CRYBG1: variants seen among roughly 807,000 people sequenced by gnomAD.
CRYBG1 encodes crystallin beta-gamma domain containing 1.
In CRYBG1, 139 loss-of-function variants were observed where a neutral mutation model predicts 189.2. That is an observed-to-expected ratio of 0.73 (90% confidence interval 0.64 to 0.85). The LOEUF is 0.85. Among genes scored for constraint, CRYBG1 ranks in the 40% least tolerant of loss-of-function variants. CRYBG1 has a pLI of 0.00. For synonymous variants in CRYBG1, 1,023 were observed against 1,017.1 expected (o/e 1.01, Z -0.11); for missense variants, 2,611 against 2,675.8 (o/e 0.98, Z 0.53).
rs370753096 is a variant in CRYBG1 at position 106,398,284 on chromosome 6, G to A, written c.173+37203G>A. Among the ~76,000 whole-genome samples, 13 of 152,156 alleles carry A rather than the reference G, an allele frequency of 8.5e-5. No homozygotes were observed. In the South Asian group the frequency reaches 2.7e-3, roughly 32 times the overall value. On this transcript the variant is annotated intron_variant, in intron 1 of 21. Transcript: ENST00000633556. ...AATCCCAGCACATTAGGAGTCCAAGGTGGGAGGATGGCTTGAGCTCATGAG... is the reference window on the plus strand; with the variant it reads ...AATCCCAGCACATTAGGAGTCCAAGATGGGAGGATGGCTTGAGCTCATGAG...
rs1338118061 is a variant in CRYBG1 at position 106,539,594 on chromosome 6, G to A, written c.4845+65G>A. On this transcript the variant is annotated intron_variant, in intron 9 of 21. Coordinates refer to ENST00000633556, the MANE Select transcript of CRYBG1 (RefSeq NM_001371242.2). ...TCAGCTTGACGTGGTAATTCACAGG[G>A]TGTGACTTTGAAGCAATAAAGCTGA... The A allele has an allele frequency of 2.6e-6, 4 of 1,541,572 alleles. No individual in the cohort carries two copies. In the African/African-American group the frequency reaches 4.2e-5, roughly 16 times the overall value.
At chr6:106,448,615 C>T (rs946227185) in intron 1 of CRYBG1, among the ~76,000 whole-genome samples, 1 of 152,318 alleles carries the variant, frequency 6.6e-6, no homozygotes, top group Non-Finnish European at 1.5e-5. Context: ...AGCTCAAATT[C>T]CATCTTAAAT....
At chr6:106,388,398 C>A (rs1770433100) in intron 1 of CRYBG1, among the ~76,000 whole-genome samples, 1 of 152,098 alleles carries the variant, frequency 6.6e-6, no homozygotes, top group Non-Finnish European at 1.5e-5. Flanking sequence ...TTTCCACCTG[C>A]CCCTCCCTCT....
chr6:106,508,970 C>T (rs904748919), intron 2 of CRYBG1, among the ~76,000 whole-genome samples: 1 of 74,186 alleles, frequency 1.3e-5, no homozygotes, highest in Non-Finnish European at 2.8e-5. Context: ...ATAGAGAGGA[C>T]TGCTTGCTGA....
At chr6:106,437,376 A>G (rs1355409160) in intron 1 of CRYBG1, among the ~76,000 whole-genome samples, 1 of 152,072 alleles carries the variant, frequency 6.6e-6, no homozygotes, top group Non-Finnish European at 1.5e-5. Context: ...TTTTTAATGT[A>G]TGGAAATTTT....
chr6:106,404,957 G>A (rs1770794238), intron 1 of CRYBG1, among the ~76,000 whole-genome samples: 1 of 151,900 alleles, frequency 6.6e-6, no homozygotes, highest in Non-Finnish European at 1.5e-5. Flanking sequence ...CTGGGCAGCT[G>A]TTTGGGCAGA....
At chr6:106,430,744 G>C (rs1382791105) in intron 1 of CRYBG1, among the ~76,000 whole-genome samples, 3 of 152,008 alleles carry the variant, frequency 2.0e-5, no homozygotes, top group African/African-American at 7.2e-5. Flanking sequence ...CTCTCCATGG[G>C]GCGTCTGTAG....
intron 1 of CRYBG1, among the ~76,000 whole-genome samples, chr6:106,377,231 G>A (rs1333002425): frequency 1.3e-5 from 2 of 152,122 alleles, no homozygotes; most frequent in Non-Finnish European, 2.9e-5. Flanking sequence ...CACTTGGATA[G>A]TCCTTCTTCA....
intron 1 of CRYBG1, among the ~76,000 whole-genome samples, chr6:106,404,151 A>G (rs1007318169): frequency 2.0e-5 from 3 of 152,202 alleles, no homozygotes; most frequent in South Asian, 4.1e-4. Flanking sequence ...TGGTGGTGTT[A>G]TGACCATCTT....
At chr6:106,566,657 C>T (rs1774898342) in intron 21 of CRYBG1, among the ~76,000 whole-genome samples, 1 of 151,658 alleles carries the variant, frequency 6.6e-6, no homozygotes, top group Non-Finnish European at 1.5e-5. Context: ...GTTTTAATTC[C>T]TTGTTAAACT....
intron 13 of CRYBG1, among the ~76,000 whole-genome samples, chr6:106,546,532 G>A (rs776663550): frequency 6.6e-6 from 1 of 152,158 alleles, no homozygotes; most frequent in African/African-American, 2.4e-5. Context: ...TTTACTCTTA[G>A]TAAATAGAGT....
At chr6:106,538,274 G>C (rs1841689) in intron 8 of CRYBG1, among the ~76,000 whole-genome samples, 43,076 of 152,080 alleles carry the variant, frequency 0.28, 6,364 homozygotes, top group South Asian at 0.37. Flanking sequence ...ACCTTGTAAA[G>C]TTTAGAGACA....
Position 106,512,247 on chromosome 6 carries a change from C to T in CRYBG1, c.1130C>T (p.Thr377Ile). Residue 377 changes from threonine (T) to isoleucine (I), a missense_variant, in exon 3 of 22, where the codon ACT (threonine) becomes ATT (isoleucine). By Grantham distance (89) the Thr-to-Ile change is moderately conservative (BLOSUM62 -1). Coordinates refer to ENST00000633556, the MANE Select transcript of CRYBG1 (RefSeq NM_001371242.2). The stretch of plus-strand genomic sequence containing the variant: ...CACGCCCACCCTGCTAAGGTGCTAA[C>T]TTTGGACATCTACTTGAGTAAGACT... ...KGHAHPAKVLTLDIYLSKTEG... is the reference protein window; with the variant it reads ...KGHAHPAKVLILDIYLSKTEG... 1.9e-6 allele frequency: 3 copies of T among 1,546,676 alleles called. No homozygotes were observed. Among genetic ancestry groups the T allele is most frequent in the Non-Finnish European group, 2.6e-6 (3 of 1,150,274 alleles).
At chr6:106,497,922 C>T (rs1772890301) in intron 2 of CRYBG1, among the ~76,000 whole-genome samples, 1 of 152,014 alleles carries the variant, frequency 6.6e-6, no homozygotes, top group African/African-American at 2.4e-5. Context: ...GAAACCCTGT[C>T]TCTACTACAA....
rs79539774 is a variant in CRYBG1 at position 106,483,198 on chromosome 6, T to A, written c.313-28232T>A. On this transcript the variant is annotated intron_variant, in intron 2 of 21. Transcript: ENST00000633556. ...TACTCTCTGCTTCTATGTTATCTAC[T>A]CTTCTTTGTTTGTTTGTTTTAGATT... Among the ~76,000 whole-genome samples the A allele has an allele frequency of 8.5e-5, 13 of 152,140 alleles. No individual in the cohort carries two copies. The East Asian group carries it at 1.9e-3, about 23-fold the overall frequency.
In CRYBG1 at chr6:106,539,500, T is replaced by C; in HGVS notation, c.4816T>C (p.Tyr1606His). 6.2e-7 allele frequency: 1 copy of C among 1,613,764 alleles called. No individual in the cohort carries two copies. Among genetic ancestry groups the C allele is most frequent in the Non-Finnish European group, 8.5e-7 (1 of 1,179,792 alleles). The change falls in exon 9 of 22, where the codon TAC (tyrosine) becomes CAC (histidine). Residue 1606 changes from tyrosine to histidine, a missense_variant. Physicochemically the swap from Tyr to His is moderately conservative, Grantham distance 83. Around this residue, in one of 3 missense-constraint regions of CRYBG1, gnomAD observed 1,622 missense variants for 1,735.0 expected, o/e 0.93. Transcript: ENST00000633556. ...DLSFWDTEEA[Y>H]IGSMRPLKMG... ...GTCCTTCTGGGATACAGAAGAAGCG[T>C]ACATTGGATCCATGCGGCCTCTGAA...
At chr6:106,548,048 C>A (rs1455870291) in intron 13 of CRYBG1, among the ~76,000 whole-genome samples, 1 of 152,068 alleles carries the variant, frequency 6.6e-6, no homozygotes. Context: ...GCAGGTTTAC[C>A]CTGCTGCCCT....
chr6:106,369,317 G>A (rs1769968025), intron 1 of CRYBG1, among the ~76,000 whole-genome samples: 1 of 152,230 alleles, frequency 6.6e-6, no homozygotes, highest in African/African-American at 2.4e-5. Context: ...AATTAAATGA[G>A]TAAAAGTAGG....
At chr6:106,473,083 G>C (rs1278338286) in intron 2 of CRYBG1, among the ~76,000 whole-genome samples, 1 of 152,118 alleles carries the variant, frequency 6.6e-6, no homozygotes, top group African/African-American at 2.4e-5. Context: ...TTAGAAATTA[G>C]CTAACAGTGC....
Sources: gnomAD v4.1 joint callset for allele counts (sites outside exome capture counted in the v4.1 genomes callset) on GRCh38, gnomAD v4.1.1 for gene constraint, gnomAD v4.1.1 regional missense constraint, MANE v1.5 for transcripts, NCBI Gene and HGNC (gene_info 2026-07-23, HGNC 2026-07-21) for gene names.